PPP1R9A: variants seen among roughly 807,000 people sequenced by gnomAD.
The protein encoded by PPP1R9A is neurabin-1.
PPP1R9A carries 59 observed loss-of-function variants against 141.9 expected under a neutral mutation model. The ratio of observed to expected loss-of-function variants is 0.42; its 90% CI spans 0.34 to 0.52. The LOEUF (loss-of-function observed/expected upper bound fraction) is 0.52, where lower values mean the gene tolerates loss of function less well. Among genes scored for constraint, PPP1R9A ranks in the 20% least tolerant of loss-of-function variants. The pLI, the probability that PPP1R9A is intolerant of heterozygous loss-of-function variation, is 0.10. For missense variants in PPP1R9A, 1,444 were observed against 1,611.9 expected (o/e 0.90, Z 1.78); for synonymous variants, 500 against 569.7 (o/e 0.88, Z 1.74).
intron 5 of PPP1R9A, among the ~76,000 whole-genome samples, chr7:95,180,744 T>C (rs1833618152): frequency 6.6e-6 from 1 of 151,856 alleles, no homozygotes; most frequent in Admixed American, 6.6e-5. Flanking sequence ...AAAGAAGATA[T>C]ACAAATGGCC....
At chr7:95,097,234 C>T (rs996912972) in intron 2 of PPP1R9A, among the ~76,000 whole-genome samples, 2 of 152,102 alleles carry the variant, frequency 1.3e-5, no homozygotes, top group Non-Finnish European at 2.9e-5. Flanking sequence ...CCATGTTGGC[C>T]AGGCTGGTCC....
At chr7:95,130,608 C>T (rs1824412752) in intron 4 of PPP1R9A, among the ~76,000 whole-genome samples, 2 of 152,132 alleles carry the variant, frequency 1.3e-5, no homozygotes, top group African/African-American at 4.8e-5. Context: ...AGCTTGCACT[C>T]TATGCCTGGA....
intron 5 of PPP1R9A, among the ~76,000 whole-genome samples, chr7:95,178,549 T>C (rs1344495053): frequency 6.6e-6 from 1 of 151,420 alleles, no homozygotes; most frequent in African/African-American, 2.4e-5. Flanking sequence ...CAGAACTAAA[T>C]GAAATTGAAA....
intron 2 of PPP1R9A, among the ~76,000 whole-genome samples, chr7:95,081,679 C>T (rs994986123): frequency 3.3e-5 from 5 of 152,198 alleles, no homozygotes; most frequent in East Asian, 1.9e-4. Flanking sequence ...GTGACATCAG[C>T]GGGAATGGTG....
rs991756860 is a variant in PPP1R9A at position 95,081,047 on chromosome 7, C to G, written c.1396-30212C>G. 2.0e-5 allele frequency among the ~76,000 whole-genome samples: 3 copies of G among 152,192 alleles called. No homozygotes were observed. In the South Asian group the frequency reaches 6.2e-4, roughly 32 times the overall value. The stretch of plus-strand genomic sequence containing the variant: ...AAAAGCTCAAAGACAAAGAATAAGA[C>G]TAGAATCAATTAATTCAGAAGGGTA... On this transcript the variant is annotated intron_variant, in intron 2 of 19. Coordinates refer to ENST00000433360, the MANE Select transcript of PPP1R9A (RefSeq NM_001166160.2).
rs1166103728 is a variant in PPP1R9A at position 95,108,307 on chromosome 7, C to CTTTTTTTTTTTTTT, written c.1396-2939_1396-2926dup. Among the ~76,000 whole-genome samples the CTTTTTTTTTTTTTT allele has an allele frequency of 3.7e-4, 22 of 59,600 alleles. 1 individual carries two copies. The highest frequency in any genetic ancestry group is 1.4e-3 in the African/African-American group (19 of 13,862). 39.1% of individuals were successfully genotyped at this position (59,600 alleles called of 152,430 possible). The stretch of plus-strand genomic sequence containing the variant: ...TTTTCTTTTCTTTTTCGTTTCTTTT[C>CTTTTTTTTTTTTTT]TTTTTTTTTTTTTTTTTTTTTTTTT... On this transcript the variant is annotated intron_variant, in intron 2 of 19. Coordinates refer to ENST00000433360, the MANE Select transcript of PPP1R9A (RefSeq NM_001166160.2).
intron 7 of PPP1R9A, among the ~76,000 whole-genome samples, chr7:95,210,915 C>T (rs894460161): frequency 1.3e-5 from 2 of 152,060 alleles, no homozygotes; most frequent in African/African-American, 4.8e-5. Context: ...CCAAACACCG[C>T]ATGTTCTCAC....
At chr7:95,130,599 G>A (rs1462445535) in intron 4 of PPP1R9A, among the ~76,000 whole-genome samples, 1 of 152,130 alleles carries the variant, frequency 6.6e-6, no homozygotes, top group Non-Finnish European at 1.5e-5. Flanking sequence ...TCCACTGACA[G>A]CTTGCACTCT....
intron 2 of PPP1R9A, among the ~76,000 whole-genome samples, chr7:95,087,066 A>G (rs1022747629): frequency 2.5e-4 from 38 of 151,862 alleles, no homozygotes; most frequent in Non-Finnish European, 1.3e-4. Flanking sequence ...AAAAAGAAAG[A>G]GAGAGAGAAA....
At position 95,203,008 on chromosome 7, in the gene PPP1R9A, G is replaced by A. The variant is rs541188909; in HGVS notation, c.1891-657G>A. 1.3e-4 allele frequency among the ~76,000 whole-genome samples: 20 copies of A among 152,144 alleles called. No individual in the cohort carries two copies. In the South Asian group the frequency reaches 3.1e-3, roughly 24 times the overall value. ...TCTTAGCTATAGATAGCATTTCAAA[G>A]TCTCCTTAGGCAGTAGTTCATAAGA... On this transcript the variant is annotated intron_variant, in intron 6 of 19. Coordinates refer to ENST00000433360, the MANE Select transcript of PPP1R9A (RefSeq NM_001166160.2).
intron 2 of PPP1R9A, among the ~76,000 whole-genome samples, chr7:94,916,066 C>T (rs1186272203): frequency 6.6e-6 from 1 of 152,168 alleles, no homozygotes; most frequent in Non-Finnish European, 1.5e-5. Flanking sequence ...TCATGTCTTA[C>T]TCCCAGCTTA....
intron 12 of PPP1R9A, among the ~76,000 whole-genome samples, chr7:95,258,344 G>T (rs893263158): frequency 6.6e-6 from 1 of 151,870 alleles, no homozygotes; most frequent in Non-Finnish European, 1.5e-5. Context: ...CATATCCTTC[G>T]CCCACTTTTT....
At chr7:94,913,739 T>G (rs1287214083) in intron 2 of PPP1R9A, among the ~76,000 whole-genome samples, 2 of 152,164 alleles carry the variant, frequency 1.3e-5, no homozygotes, top group Non-Finnish European at 2.9e-5. Context: ...CTGCAGAGGG[T>G]GGTAATACCT....
chr7:95,053,600 G>A (rs1325853315), intron 2 of PPP1R9A, among the ~76,000 whole-genome samples: 1 of 152,178 alleles, frequency 6.6e-6, no homozygotes, highest in African/African-American at 2.4e-5. Context: ...ATGGGAGAGG[G>A]GGATGAAAGT....
At chr7:95,082,869 C>T (rs1295419360) in intron 2 of PPP1R9A, among the ~76,000 whole-genome samples, 1 of 150,406 alleles carries the variant, frequency 6.6e-6, no homozygotes, top group Non-Finnish European at 1.5e-5. Flanking sequence ...CATTCTCCTG[C>T]CTCAGCCTCC....
chr7:95,183,259 T>C (rs1450033307), intron 5 of PPP1R9A, among the ~76,000 whole-genome samples: 1 of 151,666 alleles, frequency 6.6e-6, no homozygotes, highest in Non-Finnish European at 1.5e-5. Flanking sequence ...TGCGTCACCC[T>C]CCCAAGTAGC....
At chr7:95,072,942 A>G (rs1814195355) in intron 2 of PPP1R9A, among the ~76,000 whole-genome samples, 2 of 128,474 alleles carry the variant, frequency 1.6e-5, no homozygotes, top group African/African-American at 5.9e-5. Context: ...TATATTATAT[A>G]TATTATATAT....
At chr7:95,045,292 G>A (rs1308431420) in intron 2 of PPP1R9A, among the ~76,000 whole-genome samples, 1 of 152,168 alleles carries the variant, frequency 6.6e-6, no homozygotes, top group Non-Finnish European at 1.5e-5. Flanking sequence ...AAGTACACTT[G>A]GAAGAGACCT....
rs951827362 is a variant in PPP1R9A, at chr7:95,115,759, TA to T, written c.1528+4376del. ...CATGAAACCTCATCTCTACTAAAAA[TA>T]AAAAAAATTAGCCCGGCGTGGTGGC... On this transcript the variant is annotated intron_variant, in intron 3 of 19. Transcript: ENST00000433360. 1.5e-4 allele frequency among the ~76,000 whole-genome samples: 22 copies of T among 150,704 alleles called. No homozygotes were observed. In the East Asian group the frequency reaches 3.7e-3, roughly 25 times the overall value.
Sources: gnomAD v4.1 joint callset for allele counts (sites outside exome capture counted in the v4.1 genomes callset) on GRCh38, gnomAD v4.1.1 for gene constraint, MANE v1.5 for transcripts, NCBI Gene and HGNC (gene_info 2026-07-23, HGNC 2026-07-21) for gene names.